ROBO1: variants seen among roughly 807,000 people sequenced by gnomAD.
ROBO1 encodes roundabout homolog 1.
A neutral mutation model predicts 195.9 loss-of-function variants in ROBO1; 149 were observed. The ratio of observed to expected loss-of-function variants is 0.76; its 90% confidence interval spans 0.67 to 0.87. The LOEUF (loss-of-function observed/expected upper bound fraction) is 0.87, where lower values mean the gene tolerates loss of function less well. Among genes scored for constraint, ROBO1 ranks in the 40% least tolerant of loss-of-function variants. The pLI, the probability that ROBO1 is intolerant of heterozygous loss-of-function variation, is 0.00. For synonymous variants in ROBO1, 816 were observed against 733.2 expected, an observed-to-expected ratio of 1.11 and a Z score of -1.82; for missense variants, 1,933 against 2,068.3, an observed-to-expected ratio of 0.93 and a Z score of 1.27.
intron 2 of ROBO1, among the ~76,000 whole-genome samples, chr3:79,450,316 C>T (rs553540205): frequency 8.0e-6 from 1 of 125,014 alleles, no homozygotes; most frequent in Admixed American, 7.8e-5. Context: ...ATGGCAGAGA[C>T]AGACAGACAG....
chr3:78,830,152 C>G (rs779069760), intron 4 of ROBO1, among the ~76,000 whole-genome samples: 5 of 152,146 alleles, frequency 3.3e-5, no homozygotes, highest in Non-Finnish European at 5.9e-5. Context: ...CAGCCAGTCT[C>G]GTTTTTCTTT....
At chr3:79,619,191 C>A (rs12492201) in intron 1 of ROBO1, among the ~76,000 whole-genome samples, 2 of 152,022 alleles carry the variant, frequency 1.3e-5, no homozygotes, top group African/African-American at 4.8e-5. Context: ...CCCACATTCC[C>A]TTAGTGGCAA....
At chr3:78,995,164 C>A (rs919132262) in intron 3 of ROBO1, among the ~76,000 whole-genome samples, 1 of 152,176 alleles carries the variant, frequency 6.6e-6, no homozygotes, top group Non-Finnish European at 1.5e-5. Flanking sequence ...AGTTGGGTAA[C>A]TGATGATATT....
intron 2 of ROBO1, among the ~76,000 whole-genome samples, chr3:79,431,580 A>C (rs774435684): frequency 6.6e-6 from 1 of 152,168 alleles, no homozygotes; most frequent in East Asian, 1.9e-4. Context: ...AGACAAAAAC[A>C]TGGTACAGAA....
In ROBO1 at chr3:78,917,925, A is replaced by T. The variant is rs570806861; in HGVS notation, c.499+20676T>A. ...CTTCATTTTACACTTTCCTATGTGA[A>T]TTCATATTAATATTTAAGGACAGAA... On this transcript the variant is annotated intron_variant, in intron 4 of 30. Transcript: ENST00000464233. 3.3e-5 allele frequency among the ~76,000 whole-genome samples: 5 copies of T among 152,306 alleles called. No individual in the cohort carries two copies. The South Asian group carries it at 6.2e-4, about 19-fold the overall frequency.
chr3:79,332,384 C>A (rs1302063510), intron 2 of ROBO1, among the ~76,000 whole-genome samples: 1 of 152,104 alleles, frequency 6.6e-6, no homozygotes, highest in Non-Finnish European at 1.5e-5. Flanking sequence ...GAATTTTTAT[C>A]ACAAACATAA....
chr3:79,256,471 G>C (rs1045314483), intron 2 of ROBO1, among the ~76,000 whole-genome samples: 2 of 152,042 alleles, frequency 1.3e-5, no homozygotes, highest in Non-Finnish European at 2.9e-5. Flanking sequence ...ATGGAAATAA[G>C]ATCTTCCATA....
chr3:79,278,375 CA>C (rs1165840564), intron 2 of ROBO1, among the ~76,000 whole-genome samples: 4 of 136,244 alleles, frequency 2.9e-5, no homozygotes, highest in African/African-American at 1.2e-4. Flanking sequence ...TGAGCAAAAA[CA>C]AAAACAAACA....
chr3:78,730,202 T>C (rs1244326678), intron 5 of ROBO1, among the ~76,000 whole-genome samples: 2 of 152,188 alleles, frequency 1.3e-5, no homozygotes, highest in African/African-American at 2.4e-5. Context: ...AGTAAATCCC[T>C]TTTCCTCTCT....
chr3:78,985,230 G>A (rs2077079655), intron 3 of ROBO1, among the ~76,000 whole-genome samples: 1 of 152,074 alleles, frequency 6.6e-6, no homozygotes, highest in Admixed American at 6.6e-5. Flanking sequence ...AGCCCAAAAA[G>A]TTGAGGCTGC....
At chr3:79,219,018 T>C (rs1262979346) in intron 2 of ROBO1, among the ~76,000 whole-genome samples, 3 of 152,010 alleles carry the variant, frequency 2.0e-5, no homozygotes, top group African/African-American at 7.2e-5. Context: ...AGATATGACA[T>C]ATATTATTGA....
chr3:79,137,354 G>T (rs2080430732), intron 2 of ROBO1, among the ~76,000 whole-genome samples: 1 of 151,828 alleles, frequency 6.6e-6, no homozygotes, highest in Admixed American at 6.6e-5. Flanking sequence ...ATTTTAACCT[G>T]TGGCCTGAGA....
intron 4 of ROBO1, among the ~76,000 whole-genome samples, chr3:78,856,386 T>C (rs1052900379): frequency 1.3e-5 from 2 of 151,522 alleles, no homozygotes; most frequent in Non-Finnish European, 1.5e-5. Flanking sequence ...CAGAAGACTA[T>C]AGACGCTATC....
intron 8 of ROBO1, among the ~76,000 whole-genome samples, chr3:78,694,105 T>C (rs977569199): frequency 1.3e-5 from 2 of 152,216 alleles, no homozygotes; most frequent in Non-Finnish European, 2.9e-5. Context: ...TATAATCTTA[T>C]CTATAAATCA....
intron 4 of ROBO1, among the ~76,000 whole-genome samples, chr3:78,936,879 C>G (rs1354420822): frequency 1.3e-5 from 2 of 151,988 alleles, no homozygotes; most frequent in African/African-American, 4.8e-5. Flanking sequence ...AGCAAACTAG[C>G]CTTCTGTTAT....
chr3:79,255,130 C>T (rs1211371387), intron 2 of ROBO1, among the ~76,000 whole-genome samples: 1 of 152,110 alleles, frequency 6.6e-6, no homozygotes, highest in Non-Finnish European at 1.5e-5. Flanking sequence ...CGTCCATTAT[C>T]CATATAAAGC....
intron 1 of ROBO1, among the ~76,000 whole-genome samples, chr3:79,604,260 T>C (rs1165574779): frequency 6.6e-6 from 1 of 152,018 alleles, no homozygotes; most frequent in Admixed American, 6.6e-5. Context: ...CTATGGGATC[T>C]AGAAGGGAGT....
At chr3:79,225,663 CCT>C (rs1334294277) in intron 2 of ROBO1, among the ~76,000 whole-genome samples, 1 of 152,130 alleles carries the variant, frequency 6.6e-6, no homozygotes, top group Non-Finnish European at 1.5e-5. Flanking sequence ...CCTCCACAGT[CCT>C]CTTCATAACT....
intron 2 of ROBO1, among the ~76,000 whole-genome samples, chr3:79,241,978 C>G (rs1396014638): frequency 6.9e-6 from 1 of 144,152 alleles, no homozygotes; most frequent in Non-Finnish European, 1.5e-5. Flanking sequence ...GACACATTTT[C>G]TAGACTCCCT....
Sources: gnomAD v4.1 joint callset for allele counts (sites outside exome capture counted in the v4.1 genomes callset) on GRCh38, gnomAD v4.1.1 for gene constraint, MANE v1.5 for transcripts, NCBI Gene and HGNC (gene_info 2026-07-23, HGNC 2026-07-21) for gene names.